The following PECAM1 variants were observed in gnomAD, a reference collection of about 807,000 sequenced individuals.
The protein encoded by PECAM1 is platelet and endothelial cell adhesion molecule 1.
PECAM1 carries 8 observed loss-of-function variants against 13.8 expected under a neutral mutation model. That is an observed-to-expected ratio of 0.58 (90% CI 0.34 to 1.05). PECAM1 has a LOEUF of 1.05. Among genes scored for constraint, PECAM1 ranks in the 50% least tolerant of loss-of-function variants. The pLI is 0.03. For missense variants in PECAM1, 304 were observed against 141.2 expected (o/e 2.15, Z -5.84); for synonymous variants, 136 against 52.6 (o/e 2.58, Z -6.86).
Position 64,353,507 on chromosome 17 carries a change from G to T in PECAM1, c.1900C>A (p.Pro634Thr). 3 of 471,162 alleles carry T rather than the reference G, an allele frequency of 6.4e-6. No individual in the cohort carries two copies. In the Admixed American group the frequency reaches 9.6e-5, roughly 15 times the overall value. 29.2% of individuals were successfully genotyped at this position (471,162 alleles called of 1,614,324 possible). A position where few individuals can be genotyped will look rare whatever the true frequency, so the allele number is the denominator to read the frequency against. ...TACACTCACCTGGACATTTCCACTG[G>T]CATCTGCTTGGCTTTAAAACAGAAA... is the stretch of plus-strand genomic sequence containing the variant. Reference protein sequence around the residue: ...FLRKAKAKQMPVEMSRPAVPL... With the variant: ...FLRKAKAKQMTVEMSRPAVPL... Residue 634 changes from proline (P) to threonine (T), a missense_variant, in exon 10 of 16, where the codon CCA becomes ACA. By Grantham distance (38) the Pro-to-Thr change is conservative. Transcript: ENST00000563924.
chr17:64,386,276 G>A (rs940108314), intron 2 of PECAM1, among the ~76,000 whole-genome samples: 2 of 151,846 alleles, frequency 1.3e-5, no homozygotes, highest in Non-Finnish European at 2.9e-5. Flanking sequence ...ATGGTGGTTC[G>A]TGCCTGTAAT....
At chr17:64,364,298 C>T (rs1271865655) in intron 5 of PECAM1, among the ~76,000 whole-genome samples, 3 of 152,044 alleles carry the variant, frequency 2.0e-5, no homozygotes, top group African/African-American at 7.2e-5. Flanking sequence ...TCTGAATAGA[C>T]CAATAACGGG....
chr17:64,390,114 G>C (rs940889006), intron 2 of PECAM1: 2 of 225,002 alleles, frequency 8.9e-6, no homozygotes, highest in Non-Finnish European at 1.7e-5. Context: ...TTTTAAAAAA[G>C]TAATGGCAAA....
chr17:64,329,804 C>T, intron 14 of PECAM1, 82 bp from the exon 15 acceptor site: 1 of 727,188 alleles, frequency 1.4e-6, no homozygotes, highest in East Asian at 2.6e-5. Flanking sequence ...GGGTCAGGAG[C>T]AGGTCGAGAA....
chr17:64,346,308 T>G (rs2035568446), intron 13 of PECAM1, among the ~76,000 whole-genome samples: 1 of 151,982 alleles, frequency 6.6e-6, no homozygotes, highest in South Asian at 2.1e-4. Context: ...CCAATCTGGG[T>G]TCGCAAAGGA....
Position 64,369,739 on chromosome 17 carries a change from A to G in PECAM1, c.967+11T>C, listed in dbSNP as rs1192677218. ...CCATATGCCAACACCCTCCCGCAGC[A>G]GCAGCCCTACCTGTTATGTTGACCA... On this transcript the variant is annotated intron_variant, in intron 5 of 15. Coordinates refer to ENST00000563924, the MANE Select transcript of PECAM1 (RefSeq NM_000442.5). The G allele has an allele frequency of 7.5e-6, 3 of 398,570 alleles. No individual in the cohort carries two copies. Among genetic ancestry groups the G allele is most frequent in the African/African-American group, 6.2e-5 (3 of 48,636 alleles). The allele number at this position is 398,570 out of a possible 1,614,324, so 24.7% of individuals were successfully genotyped here. A position where few individuals can be genotyped will look rare whatever the true frequency, so the allele number is the denominator to read the frequency against.
chr17:64,339,253 C>A, intron 14 of PECAM1, among the ~76,000 whole-genome samples: 1 of 152,226 alleles, frequency 6.6e-6, no homozygotes, highest in Non-Finnish European at 1.5e-5. Context: ...AGCGTGGAGT[C>A]CACTCCGGGG....
intron 15 of PECAM1, among the ~76,000 whole-genome samples, chr17:64,326,700 G>A (rs1296494629): frequency 1.3e-5 from 2 of 152,170 alleles, no homozygotes; most frequent in African/African-American, 4.8e-5. Context: ...AGACAGGAAG[G>A]GCTGGGCCAC....
At chr17:64,378,379 C>T (rs1346978744) in intron 2 of PECAM1, among the ~76,000 whole-genome samples, 1 of 152,158 alleles carries the variant, frequency 6.6e-6, no homozygotes, top group Admixed American at 6.5e-5. Flanking sequence ...TGGTGGCTCA[C>T]GCCTATAATC....
chr17:64,390,214 G>A lies in PECAM1; in HGVS notation c.91+275C>T, dbSNP rs1183250545. 12 of 379,658 alleles carry A rather than the reference G, an allele frequency of 3.2e-5. No individual in the cohort carries two copies. In the Admixed American group the frequency reaches 5.4e-4, roughly 17 times the overall value. The allele number at this position is 379,658 out of a possible 1,614,324, so 23.5% of individuals were successfully genotyped here. On this transcript the variant is annotated intron_variant, in intron 2 of 15. Coordinates refer to ENST00000563924, the MANE Select transcript of PECAM1 (RefSeq NM_000442.5). Reference sequence around the variant, plus strand: ...GAGAAAAGAACATGGAGTTTGATCTGTAACTGACTAAACAATTCATCAAGA... The same window carrying A: ...GAGAAAAGAACATGGAGTTTGATCTATAACTGACTAAACAATTCATCAAGA...
intron 5 of PECAM1, among the ~76,000 whole-genome samples, chr17:64,364,522 A>G (rs1441721840): frequency 1.3e-5 from 2 of 152,162 alleles, no homozygotes; most frequent in African/African-American, 4.8e-5. Context: ...CAACCAAAAA[A>G]GAGAATTTTA....
At chr17:64,358,597 A>C (rs2035901375) in intron 7 of PECAM1, among the ~76,000 whole-genome samples, 1 of 152,074 alleles carries the variant, frequency 6.6e-6, no homozygotes, top group South Asian at 2.1e-4. Context: ...AATTACTATC[A>C]CCATCACTGT....
intron 6 of PECAM1, among the ~76,000 whole-genome samples, chr17:64,362,773 A>G (rs2036013272): frequency 6.6e-6 from 1 of 151,856 alleles, no homozygotes; most frequent in Non-Finnish European, 1.5e-5. Flanking sequence ...GATCACTTGA[A>G]CCTAGGAGGC....
chr17:64,332,959 C>A (rs1360296953), intron 14 of PECAM1, among the ~76,000 whole-genome samples: 1 of 96,232 alleles, frequency 1.0e-5, no homozygotes, highest in Non-Finnish European at 2.3e-5. Flanking sequence ...TCGAGACCAG[C>A]CTGGCCAACA....
At chr17:64,348,689 CA>C (rs1364963694) in intron 12 of PECAM1, among the ~76,000 whole-genome samples, 2 of 152,166 alleles carry the variant, frequency 1.3e-5, no homozygotes, top group Non-Finnish European at 2.9e-5. Context: ...CCGCCCACCT[CA>C]GCCTCCCAAA....
chr17:64,336,769 G>C (rs1353873877), intron 14 of PECAM1, among the ~76,000 whole-genome samples: 9 of 151,738 alleles, frequency 5.9e-5, no homozygotes, highest in African/African-American at 9.7e-5. Context: ...GAGGCGGGAG[G>C]ATCGCTTGAG....
chr17:64,373,416 T>A (rs940293401), intron 4 of PECAM1, among the ~76,000 whole-genome samples: 10 of 152,120 alleles, frequency 6.6e-5, no homozygotes, highest in Admixed American at 1.3e-4. Flanking sequence ...ATGAGATAGA[T>A]CTATATTTCT....
intron 13 of PECAM1, among the ~76,000 whole-genome samples, chr17:64,345,195 C>T (rs1252241265): frequency 2.0e-5 from 3 of 152,078 alleles, no homozygotes; most frequent in Non-Finnish European, 4.4e-5. Flanking sequence ...CAGGGCCGGG[C>T]GCAGTGGCTC....
intron 5 of PECAM1, among the ~76,000 whole-genome samples, chr17:64,366,211 A>G (rs1354240925): frequency 6.7e-6 from 1 of 149,384 alleles, no homozygotes. Flanking sequence ...CAGCCAAAAA[A>G]CACATGAAAA....
Sources: gnomAD v4.1 joint callset for allele counts (sites outside exome capture counted in the v4.1 genomes callset) on GRCh38, gnomAD v4.1.1 for gene constraint, MANE v1.5 for transcripts, NCBI Gene and HGNC (gene_info 2026-07-23, HGNC 2026-07-21) for gene names.